Variants in GATAD2A observed in about 807,000 individuals in gnomAD.
GATAD2A encodes the protein transcriptional repressor p66-alpha.
A neutral mutation model predicts 68.5 loss-of-function variants in GATAD2A; 12 were observed. The observed-to-expected ratio is 0.18, with a 90% CI of 0.11 to 0.28. GATAD2A has a LOEUF of 0.28. Among genes scored for constraint, GATAD2A ranks in the 10% least tolerant of loss-of-function variants. GATAD2A has a pLI of 1.00. For synonymous variants in GATAD2A, 410 were observed against 375.3 expected (o/e 1.09, Z -1.07); for missense variants, 755 against 868.5 (o/e 0.87, Z 1.64).
intron 1 of GATAD2A, among the ~76,000 whole-genome samples, chr19:19,442,764 C>A (rs1463580427): frequency 1.3e-5 from 2 of 149,028 alleles, no homozygotes; most frequent in African/African-American, 2.5e-5. Flanking sequence ...GCAGGACCCC[C>A]CAAGCTGAAA....
At position 19,492,659 on chromosome 19, in the gene GATAD2A, T is replaced by A. The variant is rs746384246; in HGVS notation, c.481T>A (p.Leu161Met). The A allele has an allele frequency of 6.2e-7, 1 of 1,614,172 alleles. No homozygotes were observed. The highest frequency in any genetic ancestry group is 1.1e-5 in the South Asian group (1 of 91,088). ...GAGGTTAGAAGAAGCAAAACTCGTG[T>A]TGTTGAAAAAGTTGCGGCAGAGTCA... ...ELRLEEAKLV[L>M]LKKLRQSQIQ... is the part of the protein sequence containing the mutation. The change falls in exon 4 of 12, where the codon TTG (leucine) becomes ATG (methionine). Residue 161 changes from leucine (L) to methionine (M), a missense_variant. Transcript: ENST00000683918.
Position 19,433,844 on chromosome 19 carries a change from G to A in GATAD2A, c.-7+27825G>A, listed in dbSNP as rs999458030. On this transcript the variant is annotated intron_variant, in intron 1 of 11. Transcript: ENST00000683918. ...GGCAGGAATGCAGTGGCACAGTCAC[G>A]GCTCACTGCAGCCTCCTGGGCTCAG... is the stretch of plus-strand genomic sequence containing the variant. 3.9e-5 allele frequency among the ~76,000 whole-genome samples: 6 copies of A among 152,090 alleles called. No homozygotes were observed. The South Asian group carries it at 6.2e-4, about 16-fold the overall frequency.
chr19:19,439,497 C>T (rs4808951), intron 1 of GATAD2A, among the ~76,000 whole-genome samples: 21 of 151,866 alleles, frequency 1.4e-4, no homozygotes, highest in Admixed American at 2.6e-4. Flanking sequence ...CAGGTAGTGC[C>T]GTGGTAGTTG....
Position 19,501,141 on chromosome 19 carries a change from G to A in GATAD2A, c.1228G>A (p.Val410Met). 2 of 1,612,250 alleles carry A rather than the reference G, an allele frequency of 1.2e-6. No homozygotes were observed. The highest frequency in any genetic ancestry group is 1.7e-6 in the Non-Finnish European group (2 of 1,179,068). ...AGCAGGCAGGATGTCGGCCGCCACT[G>A]TGCTGTCCCGGGAGCCCTACATGTG... ...TQAGRMSAAT[V>M]LSREPYMCAQ... Residue 410 changes from valine to methionine, a missense_variant, in exon 9 of 12, where the codon GTG becomes ATG. Coordinates refer to ENST00000683918, the MANE Select transcript of GATAD2A (RefSeq NM_001384528.1).
intron 1 of GATAD2A, among the ~76,000 whole-genome samples, chr19:19,408,300 C>T (rs1022447159): frequency 1.3e-5 from 2 of 152,144 alleles, no homozygotes; most frequent in Non-Finnish European, 2.9e-5. Flanking sequence ...ATTGTTATTT[C>T]CACTCAGATG....
chr19:19,390,758 TTGAG>T (rs1420709798), intron 1 of GATAD2A, among the ~76,000 whole-genome samples: 1 of 152,194 alleles, frequency 6.6e-6, no homozygotes, highest in African/African-American at 2.4e-5. Context: ...ATGAGACTGC[TTGAG>T]TGAGTGAGTC....
chr19:19,456,896 G>A (rs934562008), intron 1 of GATAD2A, among the ~76,000 whole-genome samples: 1 of 152,306 alleles, frequency 6.6e-6, no homozygotes, highest in Admixed American at 6.5e-5. Context: ...GCAAAAAGGC[G>A]GCTGATGAGA....
rs773789441 is a variant in GATAD2A at position 19,492,426 on chromosome 19, C to T, written c.390C>T (p.Thr130=). The T allele has an allele frequency of 1.2e-6, 2 of 1,613,934 alleles. No individual in the cohort carries two copies. Among genetic ancestry groups the T allele is most frequent in the South Asian group, 2.2e-5 (2 of 91,076 alleles). The stretch of plus-strand genomic sequence containing the variant: ...CGGTGGCCTTGAAGGAGACTAGCAC[C>T]GAGGCCCTCATGGTGAGCCACGTGT... ...LTTVALKETS[T]EALMKSSPEE... The change falls in exon 3 of 12, where the codon ACC becomes ACT. Residue 130 remains threonine (T), a synonymous_variant. Transcript: ENST00000683918.
chr19:19,447,055 G>T (rs967716446), intron 1 of GATAD2A, among the ~76,000 whole-genome samples: 2 of 152,234 alleles, frequency 1.3e-5, no homozygotes, highest in Non-Finnish European at 1.5e-5. Flanking sequence ...GGATGGTAGT[G>T]CTAGAGAAAT....
intron 2 of GATAD2A, among the ~76,000 whole-genome samples, chr19:19,477,275 C>T (rs2058734995): frequency 1.3e-5 from 2 of 152,114 alleles, no homozygotes; most frequent in South Asian, 4.1e-4. Flanking sequence ...TATGTGCCTC[C>T]CTTGCTTGGG....
intron 1 of GATAD2A, among the ~76,000 whole-genome samples, chr19:19,454,711 C>G (rs1474648017): frequency 6.7e-6 from 1 of 148,372 alleles, no homozygotes; most frequent in East Asian, 2.0e-4. Flanking sequence ...GTTGGGATTA[C>G]AGGTGTGAGC....
chr19:19,391,551 T>C (rs1408797259), intron 1 of GATAD2A, among the ~76,000 whole-genome samples: 1 of 152,230 alleles, frequency 6.6e-6, no homozygotes, highest in Non-Finnish European at 1.5e-5. Flanking sequence ...AATTATGCTA[T>C]GTCTCTTGTG....
At chr19:19,491,956 C>T (rs1323953932) in intron 2 of GATAD2A, among the ~76,000 whole-genome samples, 3 of 152,216 alleles carry the variant, frequency 2.0e-5, no homozygotes, top group African/African-American at 4.8e-5. Context: ...GGATCCCGAG[C>T]CGAGTGTTTA....
upstream of GATAD2A, among the ~76,000 whole-genome samples, chr19:19,404,256 C>T (rs1009033875): frequency 1.4e-5 from 2 of 145,994 alleles, no homozygotes; most frequent in Non-Finnish European, 3.1e-5. Flanking sequence ...AGCAGAAAAA[C>T]AATTTTTTTT....
intron 1 of GATAD2A, among the ~76,000 whole-genome samples, chr19:19,407,675 G>T (rs1433083697): frequency 6.6e-6 from 1 of 152,204 alleles, no homozygotes; most frequent in African/African-American, 2.4e-5. Context: ...GGTGACATGG[G>T]GACACCATGC....
At chr19:19,421,208 G>A (rs575040169) in intron 1 of GATAD2A, among the ~76,000 whole-genome samples, 2 of 152,196 alleles carry the variant, frequency 1.3e-5, no homozygotes, top group Non-Finnish European at 2.9e-5. Context: ...GGGTTAGGTA[G>A]GGTCTGGATC....
At chr19:19,482,890 G>A (rs953268395) in intron 2 of GATAD2A, among the ~76,000 whole-genome samples, 4 of 152,132 alleles carry the variant, frequency 2.6e-5, no homozygotes, top group Non-Finnish European at 4.4e-5. Flanking sequence ...CTCTGTGGGC[G>A]GGTAGAGGCT....
chr19:19,416,792 C>G (rs548751845), intron 1 of GATAD2A, among the ~76,000 whole-genome samples: 1 of 150,248 alleles, frequency 6.7e-6, no homozygotes. Flanking sequence ...GGCGGAGTTT[C>G]GCTCTTGTTG....
intron 1 of GATAD2A, among the ~76,000 whole-genome samples, chr19:19,425,566 C>T (rs1046198779): frequency 7.9e-5 from 12 of 152,112 alleles, no homozygotes; most frequent in African/African-American, 2.9e-4. Flanking sequence ...TGCACATTTC[C>T]AATCTGAAAT....
Sources: gnomAD v4.1 joint callset for allele counts (sites outside exome capture counted in the v4.1 genomes callset) on GRCh38, gnomAD v4.1.1 for gene constraint, MANE v1.5 for transcripts, NCBI Gene and HGNC (gene_info 2026-07-23, HGNC 2026-07-21) for gene names.